STRA6: variants seen among roughly 807,000 people sequenced by gnomAD.
The protein encoded by STRA6 is signaling receptor and transporter of retinol STRA6.
A neutral mutation model predicts 83.6 loss-of-function variants in STRA6; 48 were observed. The observed-to-expected ratio is 0.57, with a 90% CI of 0.46 to 0.73. STRA6 has a LOEUF of 0.73. Among genes scored for constraint, STRA6 ranks in the 30% least tolerant of loss-of-function variants. The probability of loss-of-function intolerance (pLI) is 0.00; values close to 1 mark genes in which losing one functional copy is unlikely to be tolerated. For missense variants in STRA6, 760 were observed against 838.8 expected, an observed-to-expected ratio of 0.91 and a Z score of 1.16; for synonymous variants, 353 against 362.3, an observed-to-expected ratio of 0.97 and a Z score of 0.29.
chr15:74,197,659 G>A, intron 3 of STRA6, 93 bp downstream of exon 3: 3 of 1,513,258 alleles, frequency 2.0e-6, no homozygotes, highest in Non-Finnish European at 2.7e-6. Context: ...GATCTTCCAG[G>A]GCCCCCCTTC....
At chr15:74,209,306 G>A, upstream of STRA6, 1 of 1,451,302 alleles carries the variant, frequency 6.9e-7, no homozygotes, top group African/African-American at 1.4e-5. Context: ...GGGCTTTGAT[G>A]GCTGAGTTTC....
exon 1 of STRA6, chr15:74,208,995 G>C: frequency 9.8e-7 from 1 of 1,025,590 alleles, no homozygotes; most frequent in Non-Finnish European, 1.2e-6. Context: ...GCCCTGAGAA[G>C]TGTCCCCAGC....
chr15:74,197,579 G>A (rs572179737), intron 3 of STRA6, 156 bp from the exon 4 acceptor site: 5 of 1,097,546 alleles, frequency 4.6e-6, no homozygotes, highest in Non-Finnish European at 6.8e-6. Flanking sequence ...CAGACATCTG[G>A]AAGGTTGGAC....
At chr15:74,184,400 G>A (rs559914110) in intron 13 of STRA6, among the ~76,000 whole-genome samples, 10 of 152,184 alleles carry the variant, frequency 6.6e-5, no homozygotes, top group African/African-American at 1.9e-4. Context: ...TGGCAAGTGC[G>A]CAGGAGACAT....
upstream of STRA6, among the ~76,000 whole-genome samples, chr15:74,203,808 T>C (rs1003493095): frequency 4.6e-5 from 7 of 151,810 alleles, no homozygotes; most frequent in Admixed American, 2.6e-4. Flanking sequence ...CCAAGAGCAT[T>C]TGGGGATGGG....
chr15:74,197,221 T>C (rs1300756270), intron 4 of STRA6, 117 bp downstream of exon 4: 4 of 732,024 alleles, frequency 5.5e-6, no homozygotes, highest in Admixed American at 2.2e-5. Context: ...CTGAGGGCGA[T>C]AGGGATGTCA....
Position 74,207,904 on chromosome 15 carries a change from C to G in STRA6, c.-16+896G>C, listed in dbSNP as rs1238093968. On this transcript the variant is annotated intron_variant, in intron 1 of 18. Coordinates refer to the STRA6 transcript ENST00000323940. ...GCTGGAAGGCAGTGTCGTCGGCTGC[C>G]GTGCTCACGGCAGGAAGAGTATGGG... 1.0e-5 allele frequency: 15 copies of G among 1,485,362 alleles called. No individual in the cohort carries two copies. The African/African-American group carries it at 1.1e-4, about 11-fold the overall frequency. The allele number at this position is 1,485,362 out of a possible 1,614,324, so 92.0% of individuals were successfully genotyped here.
chr15:74,180,159 G>A lies in STRA6; in HGVS notation c.1925C>T (p.Ala642Val). 1 of 1,613,956 alleles carries A rather than the reference G, an allele frequency of 6.2e-7. No homozygotes were observed. Among genetic ancestry groups the A allele is most frequent in the Non-Finnish European group, 8.5e-7 (1 of 1,179,990 alleles). Reference sequence around the variant, plus strand: ...GGTTGGGTTGTGCAGCAGCGTGTAGGCCAGACCCCAGCGAGCCCTGCCGCG... The same window carrying A: ...GGTTGGGTTGTGCAGCAGCGTGTAGACCAGACCCCAGCGAGCCCTGCCGCG... ...ASRGRARWGLAYTLLHNPTLQ... is the reference protein window; with the variant it reads ...ASRGRARWGLVYTLLHNPTLQ... Residue 642 changes from alanine (A) to valine (V), a missense_variant, in exon 19 of 19, where the codon GCC becomes GTC. Ala to Val is a moderately conservative substitution (Grantham distance 64). Transcript: ENST00000395105.
In STRA6 at chr15:74,193,766, TGAGGAAGAGCTCATCCCAGG is replaced by T; in HGVS notation, c.720+14_720+33del. On this transcript the variant is annotated intron_variant, in intron 8 of 18. Coordinates refer to ENST00000395105, the MANE Select transcript of STRA6 (RefSeq NM_022369.4). ...GGGGGAGTAGGGCTGTCTTGGGTGC[TGAGGAAGAGCTCATCCCAGG>T]CCTGCCCCTTTACCTTGGAGCCTGC... is the stretch of plus-strand genomic sequence containing the variant. 1 of 1,611,554 alleles carries T rather than the reference TGAGGAAGAGCTCATCCCAGG, an allele frequency of 6.2e-7. No homozygotes were observed. Among genetic ancestry groups the T allele is most frequent in the Non-Finnish European group, 8.5e-7 (1 of 1,178,460 alleles).
chr15:74,180,653 A>C, intron 18 of STRA6, 129 bp downstream of exon 18: 1 of 1,369,456 alleles, frequency 7.3e-7, no homozygotes, highest in South Asian at 1.4e-5. Context: ...GGGGTGACCA[A>C]AGGCAGCCAA....
chr15:74,210,409 AG>A (rs1468160683), upstream of STRA6, among the ~76,000 whole-genome samples: 1 of 152,216 alleles, frequency 6.6e-6, no homozygotes, highest in African/African-American at 2.4e-5. Flanking sequence ...GCCAAGTAAC[AG>A]TAACCAAGAA....
chr15:74,184,909 TC>T, intron 13 of STRA6, 70 bp downstream of exon 13: 1 of 1,503,490 alleles, frequency 6.7e-7, no homozygotes, highest in South Asian at 1.2e-5. Flanking sequence ...GCCCAGGGCC[TC>T]CCCGCAGGCC....
chr15:74,202,789 C>A, upstream of STRA6: 1 of 1,133,860 alleles, frequency 8.8e-7, no homozygotes, highest in Non-Finnish European at 1.1e-6. Context: ...GCACTGCCTG[C>A]CTGGGCCCTC....
chr15:74,195,446 C>T lies in STRA6; in HGVS notation c.453G>A (p.Leu151=). The T allele has an allele frequency of 1.2e-6, 2 of 1,613,544 alleles. No individual in the cohort carries two copies. The highest frequency in any genetic ancestry group is 1.7e-6 in the Non-Finnish European group (2 of 1,179,958). ...APRGAWKILG[L]FYYAALYYPL... ...GGTAGTAGAGGGCAGCATAATAGAA[C>T]AGTCCCAGTATCTTCCAGGCCCCTG... is the stretch of plus-strand genomic sequence containing the variant. The change falls in exon 7 of 19, where the codon CTG becomes CTA. Residue 151 remains leucine, a synonymous_variant. Coordinates refer to ENST00000395105, the MANE Select transcript of STRA6 (RefSeq NM_022369.4).
At chr15:74,195,882 T>G (rs1172422567) in intron 5 of STRA6, 126 bp downstream of exon 5, 5 of 1,373,360 alleles carry the variant, frequency 3.6e-6, no homozygotes, top group African/African-American at 2.9e-5. Flanking sequence ...CGTCTCAGGA[T>G]AGCAGCCCAT....
upstream of STRA6, among the ~76,000 whole-genome samples, chr15:74,203,499 T>C (rs987896577): frequency 6.6e-6 from 1 of 152,370 alleles, no homozygotes; most frequent in Admixed American, 6.5e-5. Flanking sequence ...GGTGGAGGTT[T>C]AGGCCCCTAA....
chr15:74,182,066 GGGATAGATGGCAGT>G (rs2073020563), intron 16 of STRA6, 81 bp downstream of exon 16: 2 of 1,083,496 alleles, frequency 1.8e-6, no homozygotes, highest in Non-Finnish European at 2.8e-6. Context: ...ATAGAGAGAA[GGGATAGATGGCAGT>G]GGAGGGAGGA....
At position 74,202,731 on chromosome 15, in the gene STRA6, A is replaced by G; in HGVS notation, c.-34T>C. On this transcript the variant is annotated 5_prime_UTR_variant, in exon 1 of 19. Coordinates refer to ENST00000395105, the MANE Select transcript of STRA6 (RefSeq NM_022369.4). ...GACACACCAGAAGGGAGGCCCAGGG[A>G]GGAAGGAGTTGCAGAGATGAAAGGG... is the stretch of plus-strand genomic sequence containing the variant. 2 of 1,247,036 alleles carry G rather than the reference A, an allele frequency of 1.6e-6. No homozygotes were observed. Among genetic ancestry groups the G allele is most frequent in the Non-Finnish European group, 2.0e-6 (2 of 997,278 alleles). 77.2% of individuals were successfully genotyped at this position (1,247,036 alleles called of 1,614,324 possible).
chr15:74,184,478 C>T (rs1330603012), intron 13 of STRA6, among the ~76,000 whole-genome samples: 1 of 152,194 alleles, frequency 6.6e-6, no homozygotes, highest in Non-Finnish European at 1.5e-5. Flanking sequence ...CTTCAGTGCT[C>T]CTCACCACTC....
Sources: allele counts gnomAD v4.1 joint callset (sites outside exome capture counted in the v4.1 genomes callset), GRCh38; gene constraint gnomAD v4.1.1; transcripts MANE v1.5; gene names NCBI Gene and HGNC (gene_info 2026-07-23, HGNC 2026-07-21).